ZC3H11A: variants seen among roughly 807,000 people sequenced by gnomAD.
ZC3H11A encodes zinc finger CCCH domain-containing protein 11A.
A neutral mutation model predicts 90.8 loss-of-function variants in ZC3H11A; 22 were observed. The ratio of observed to expected loss-of-function variants is 0.24; its 90% CI spans 0.17 to 0.35. ZC3H11A has a LOEUF of 0.35. Among genes scored for constraint, ZC3H11A ranks in the 10% least tolerant of loss-of-function variants. ZC3H11A has a pLI of 1.00. For synonymous variants in ZC3H11A, 294 were observed against 339.8 expected, an observed-to-expected ratio of 0.87 and a Z score of 1.48; for missense variants, 701 against 964.9, an observed-to-expected ratio of 0.73 and a Z score of 3.62.
intron 10 of ZC3H11A, among the ~76,000 whole-genome samples, chr1:203,836,608 TC>T (rs1684421073): frequency 6.6e-6 from 1 of 151,984 alleles, no homozygotes. Flanking sequence ...TACAAAAAAG[TC>T]TACTAAAAAT....
intron 2 of ZC3H11A, among the ~76,000 whole-genome samples, chr1:203,807,631 A>G (rs959114317): frequency 6.6e-6 from 1 of 151,886 alleles, no homozygotes; most frequent in African/African-American, 2.4e-5. Context: ...GGCTCAAGTG[A>G]TCCTTCCAGC....
Position 203,852,951 on chromosome 1 carries a change from G to T in ZC3H11A, c.*552G>T, listed in dbSNP as rs548223993. On this transcript the variant is annotated 3_prime_UTR_variant, in exon 18 of 18. Coordinates refer to ENST00000367210, the MANE Select transcript of ZC3H11A (RefSeq NM_001376342.1). The stretch of plus-strand genomic sequence containing the variant: ...TAAAGAGGGCTGAGCAGCTCAGGAA[G>T]CCTGTAATGTGGGCATAACTCTTTG... 6.4e-6 allele frequency: 1 copy of T among 157,146 alleles called. No homozygotes were observed. The highest frequency in any genetic ancestry group is 1.4e-5 in the Non-Finnish European group (1 of 70,914). 9.7% of individuals were successfully genotyped at this position (157,146 alleles called of 1,614,324 possible). A position where few individuals can be genotyped will look rare whatever the true frequency, so the allele number is the denominator to read the frequency against.
intron 2 of ZC3H11A, among the ~76,000 whole-genome samples, chr1:203,815,378 GCTTTT>G (rs1676018985): frequency 2.1e-5 from 1 of 48,656 alleles, no homozygotes; most frequent in Non-Finnish European, 3.8e-5. Flanking sequence ...ACCACACCCA[GCTTTT>G]TTTTTTTTTT....
At chr1:203,811,171 G>A (rs919123270) in intron 2 of ZC3H11A, among the ~76,000 whole-genome samples, 2 of 151,054 alleles carry the variant, frequency 1.3e-5, no homozygotes, top group African/African-American at 4.9e-5. Flanking sequence ...AGCCAAGTGT[G>A]GTGGTGGGCA....
intron 12 of ZC3H11A, among the ~76,000 whole-genome samples, chr1:203,841,298 T>C (rs1312950316): frequency 2.0e-5 from 3 of 152,132 alleles, no homozygotes; most frequent in Non-Finnish European, 2.9e-5. Flanking sequence ...CAGAGGACCC[T>C]GCGGCCTTCT....
intron 2 of ZC3H11A, among the ~76,000 whole-genome samples, chr1:203,813,582 A>T (rs1423537087): frequency 6.6e-6 from 1 of 152,136 alleles, no homozygotes; most frequent in African/African-American, 2.4e-5. Flanking sequence ...TATCTGTATT[A>T]GTTCCTAGGA....
intron 14 of ZC3H11A, among the ~76,000 whole-genome samples, chr1:203,849,207 T>C (rs914312579): frequency 1.1e-4 from 17 of 152,194 alleles, no homozygotes; most frequent in Non-Finnish European, 2.1e-4. Flanking sequence ...TTTGTTTATA[T>C]ATGCATGCAT....
chr1:203,830,001 A>C, intron 7 of ZC3H11A, 105 bp downstream of exon 7: 1 of 1,271,652 alleles, frequency 7.9e-7, no homozygotes, highest in Non-Finnish European at 1.1e-6. Flanking sequence ...TGCTACACGC[A>C]TACTTACCTA....
chr1:203,805,564 A>G, intron 2 of ZC3H11A: 1 of 603,232 alleles, frequency 1.7e-6, no homozygotes. Context: ...ATTTGGAAAG[A>G]TCAGTATTTC....
intron 2 of ZC3H11A, among the ~76,000 whole-genome samples, chr1:203,808,013 A>G (rs1180320555): frequency 7.2e-5 from 11 of 152,088 alleles, no homozygotes; most frequent in Admixed American, 7.2e-4. Flanking sequence ...AAGTGCTGGC[A>G]TTACGGATGT....
At chr1:203,850,878 A>G (rs955942047) in intron 16 of ZC3H11A, among the ~76,000 whole-genome samples, 179 bp from the exon 17 acceptor site, 8 of 152,228 alleles carry the variant, frequency 5.3e-5, no homozygotes, top group Non-Finnish European at 8.8e-5. Context: ...TTTAAAAGCT[A>G]ATTTTTAGGT....
At chr1:203,799,942 C>T in intron 1 of ZC3H11A, 1 of 1,536,078 alleles carries the variant, frequency 6.5e-7, no homozygotes, top group Non-Finnish European at 8.7e-7. Context: ...GAATCTTCAC[C>T]AGAGATCTGC....
At chr1:203,833,166 G>A (rs774457070) in intron 9 of ZC3H11A, among the ~76,000 whole-genome samples, 3 of 152,010 alleles carry the variant, frequency 2.0e-5, no homozygotes, top group Non-Finnish European at 2.9e-5. Flanking sequence ...TCAGAAATTC[G>A]AGACCAGCCC....
intron 1 of ZC3H11A, chr1:203,798,703 C>T (rs1410099633): frequency 2.5e-5 from 38 of 1,535,954 alleles, no homozygotes; most frequent in African/African-American, 5.5e-5. Context: ...CTGATGCGTG[C>T]GCAGGAGAGA....
intron 11 of ZC3H11A, among the ~76,000 whole-genome samples, chr1:203,839,539 CTT>C (rs1234826202): frequency 6.6e-6 from 1 of 152,134 alleles, no homozygotes; most frequent in African/African-American, 2.4e-5. Flanking sequence ...GCCCAAGGGA[CTT>C]TGATGAGTAG....
chr1:203,832,408 T>G (rs1682687645), intron 9 of ZC3H11A, among the ~76,000 whole-genome samples: 1 of 151,676 alleles, frequency 6.6e-6, no homozygotes, highest in South Asian at 2.1e-4. Flanking sequence ...TCGCCCAGGC[T>G]AAAGTGCAAT....
At chr1:203,820,616 A>T (rs1678287869) in intron 4 of ZC3H11A, among the ~76,000 whole-genome samples, 1 of 151,836 alleles carries the variant, frequency 6.6e-6, no homozygotes, top group Non-Finnish European at 1.5e-5. Context: ...TAGCTGGGAC[A>T]ACGGGCATGC....
chr1:203,834,852 C>G (rs1683729860), intron 10 of ZC3H11A, among the ~76,000 whole-genome samples: 1 of 152,192 alleles, frequency 6.6e-6, no homozygotes, highest in Non-Finnish European at 1.5e-5. Context: ...CCATGTTGGC[C>G]AGGCTGGTCT....
chr1:203,836,214 C>T (rs1684272003), intron 10 of ZC3H11A, among the ~76,000 whole-genome samples: 1 of 152,132 alleles, frequency 6.6e-6, no homozygotes. Flanking sequence ...AAGACCCTGT[C>T]TCTAAAAATA....
Sources: gnomAD v4.1 joint callset for allele counts (sites outside exome capture counted in the v4.1 genomes callset) on GRCh38, gnomAD v4.1.1 for gene constraint, MANE v1.5 for transcripts, NCBI Gene and HGNC (gene_info 2026-07-23, HGNC 2026-07-21) for gene names.